Variants in INVS observed in about 807,000 individuals in gnomAD.
The protein encoded by INVS is inversin.
A neutral mutation model predicts 108.8 loss-of-function variants in INVS; 86 were observed. The ratio of observed to expected loss-of-function variants is 0.79; its 90% CI spans 0.66 to 0.95. INVS has a LOEUF of 0.95. Among genes scored for constraint, INVS ranks in the 40% least tolerant of loss-of-function variants. The pLI is 0.00. For missense variants in INVS, 1,169 were observed against 1,297.4 expected (o/e 0.90, Z 1.52); for synonymous variants, 455 against 473.5 (o/e 0.96, Z 0.51).
intron 3 of INVS, among the ~76,000 whole-genome samples, chr9:100,161,321 T>C (rs1829170077): frequency 7.9e-6 from 1 of 126,684 alleles, no homozygotes; most frequent in Non-Finnish European, 1.5e-5. Context: ...ATCGCACCAC[T>C]GCACTCCAGC....
intron 16 of INVS, among the ~76,000 whole-genome samples, chr9:100,299,021 A>C (rs1361501527): frequency 6.6e-6 from 1 of 152,244 alleles, no homozygotes; most frequent in Non-Finnish European, 1.5e-5. Context: ...ATCATTTTTC[A>C]GTCTTAAGAG....
At chr9:100,265,882 GC>G (rs1034432100) in intron 11 of INVS, among the ~76,000 whole-genome samples, 71 of 152,178 alleles carry the variant, frequency 4.7e-4, no homozygotes, top group African/African-American at 1.7e-3. Flanking sequence ...TTCGAAACCA[GC>G]CTGGCCAACA....
In INVS at chr9:100,104,476, A is replaced by AC. The variant is rs753131463; in HGVS notation, c.-24-22_-24-21insC. On this transcript the variant is annotated intron_variant, in intron 1 of 16. Transcript: ENST00000262457. ...TCAGAAATGTTTGCTGCATGCGCTC[A>AC]TTGTCTGAATCATTGTTTCAGGTTG... is the stretch of plus-strand genomic sequence containing the variant. 5.3e-6 allele frequency: 7 copies of AC among 1,328,864 alleles called. No homozygotes were observed. In the Admixed American group the frequency reaches 6.7e-5, roughly 13 times the overall value. The allele number at this position is 1,328,864 out of a possible 1,614,324, so 82.3% of individuals were successfully genotyped here.
chr9:100,161,156 A>G (rs566744774), intron 3 of INVS, among the ~76,000 whole-genome samples: 1 of 151,794 alleles, frequency 6.6e-6, no homozygotes, highest in South Asian at 2.1e-4. Flanking sequence ...TGGGGGGATC[A>G]CCTGCAATAA....
At chr9:100,106,107 C>T (rs570137306) in intron 2 of INVS, among the ~76,000 whole-genome samples, 13 of 152,114 alleles carry the variant, frequency 8.5e-5, no homozygotes, top group Non-Finnish European at 1.6e-4. Flanking sequence ...CTTTCATTCT[C>T]TTTAATGCAG....
At chr9:100,158,522 C>T (rs1365302818) in intron 3 of INVS, among the ~76,000 whole-genome samples, 2 of 152,052 alleles carry the variant, frequency 1.3e-5, no homozygotes, top group African/African-American at 4.8e-5. Flanking sequence ...ATAATGATAC[C>T]TATATTACCA....
At chr9:100,176,928 A>C (rs1341249992) in intron 3 of INVS, among the ~76,000 whole-genome samples, 1 of 152,088 alleles carries the variant, frequency 6.6e-6, no homozygotes, top group African/African-American at 2.4e-5. Flanking sequence ...TATTTGCTAC[A>C]TCACAATGAC....
chr9:100,214,558 A>G (rs535620814), intron 3 of INVS, among the ~76,000 whole-genome samples: 2 of 152,352 alleles, frequency 1.3e-5, no homozygotes, highest in East Asian at 3.9e-4. Flanking sequence ...CATAATCCAA[A>G]GCTGCTCACA....
intron 3 of INVS, among the ~76,000 whole-genome samples, chr9:100,186,875 A>G (rs1426833083): frequency 6.6e-6 from 1 of 151,716 alleles, no homozygotes; most frequent in Admixed American, 6.6e-5. Flanking sequence ...ATTAGGTCTC[A>G]TTTATTTTTG....
At chr9:100,158,818 G>A (rs1184752353) in intron 3 of INVS, among the ~76,000 whole-genome samples, 1 of 152,208 alleles carries the variant, frequency 6.6e-6, no homozygotes, top group African/African-American at 2.4e-5. Context: ...TGGGTCATGG[G>A]AGCAGATCTC....
chr9:100,153,352 A>G (rs998286100), intron 3 of INVS, among the ~76,000 whole-genome samples: 1 of 152,182 alleles, frequency 6.6e-6, no homozygotes, highest in African/African-American at 2.4e-5. Context: ...GGTGGAGAAG[A>G]AAAAGACCAA....
chr9:100,178,611 C>T (rs1436997049), intron 3 of INVS, among the ~76,000 whole-genome samples: 1 of 152,016 alleles, frequency 6.6e-6, no homozygotes, highest in Admixed American at 6.6e-5. Context: ...AAAAGGAATG[C>T]ACAAAGACTC....
chr9:100,136,647 T>C (rs1828234110), intron 3 of INVS, among the ~76,000 whole-genome samples: 1 of 152,132 alleles, frequency 6.6e-6, no homozygotes, highest in Non-Finnish European at 1.5e-5. Flanking sequence ...ATGAGAGATA[T>C]TTGAACACGT....
chr9:100,184,127 G>A (rs952417515), intron 3 of INVS, among the ~76,000 whole-genome samples: 3 of 151,918 alleles, frequency 2.0e-5, no homozygotes, highest in South Asian at 4.1e-4. Context: ...ATGAAGTATC[G>A]CTTTTTTTAA....
At chr9:100,254,750 G>T (rs896940304) in intron 10 of INVS, among the ~76,000 whole-genome samples, 10 of 151,992 alleles carry the variant, frequency 6.6e-5, no homozygotes, top group African/African-American at 2.4e-4. Flanking sequence ...TATTTCTGAG[G>T]GCTCTGTTCT....
intron 8 of INVS, among the ~76,000 whole-genome samples, chr9:100,249,690 C>T (rs1234186100): frequency 6.7e-6 from 1 of 149,238 alleles, no homozygotes; most frequent in Admixed American, 6.7e-5. Flanking sequence ...GGCGGGGTTT[C>T]ACCATGTTGG....
chr9:100,135,620 G>A (rs1287990472), intron 3 of INVS, among the ~76,000 whole-genome samples: 2 of 152,102 alleles, frequency 1.3e-5, no homozygotes, highest in African/African-American at 4.8e-5. Context: ...CTTTTGACTG[G>A]TATTCCTAGC....
At chr9:100,220,284 A>C (rs1466664520) in intron 3 of INVS, among the ~76,000 whole-genome samples, 2 of 152,070 alleles carry the variant, frequency 1.3e-5, no homozygotes, top group African/African-American at 4.8e-5. Flanking sequence ...CTTTTCATAC[A>C]TTTGGAGAAA....
chr9:100,249,114 G>C (rs1021010668), intron 8 of INVS, among the ~76,000 whole-genome samples: 1 of 151,774 alleles, frequency 6.6e-6, no homozygotes, highest in Non-Finnish European at 1.5e-5. Context: ...ATGAAAAGGG[G>C]GGAACCCTTT....
Sources: gnomAD v4.1 joint callset for allele counts (sites outside exome capture counted in the v4.1 genomes callset) on GRCh38, gnomAD v4.1.1 for gene constraint, MANE v1.5 for transcripts, NCBI Gene and HGNC (gene_info 2026-07-23, HGNC 2026-07-21) for gene names.